Variants in CLDN14 observed in about 807,000 individuals in gnomAD.
CLDN14 encodes the protein claudin-14.
CLDN14 carries 2 observed loss-of-function variants against 2.1 expected under a neutral mutation model. The observed-to-expected ratio is 0.96, with a 90% CI of 0.39 to 3.01. CLDN14 has a LOEUF of 3.01. Among genes scored for constraint, CLDN14 ranks in the 30% most tolerant of loss-of-function variants. CLDN14 has a pLI of 0.09. For missense variants in CLDN14, 298 were observed against 328.0 expected (o/e 0.91, Z 0.71); for synonymous variants, 136 against 154.4 (o/e 0.88, Z 0.88).
intron 1 of CLDN14, among the ~76,000 whole-genome samples, chr21:36,473,969 A>G (rs1295651924): frequency 1.3e-5 from 2 of 152,174 alleles, no homozygotes; most frequent in Non-Finnish European, 2.9e-5. Flanking sequence ...GATTAGCAAC[A>G]TGAAGGAAAT....
In CLDN14 at chr21:36,498,729, C is replaced by G. The variant is rs772735828; in HGVS notation, c.-82+11634G>C. The stretch of plus-strand genomic sequence containing the variant: ...AAAGGTGGGGGCACCTCTCAGCTGG[C>G]CTTCAGCTCCAATACAGACACGGGA... On this transcript the variant is annotated intron_variant, in intron 2 of 2. Coordinates refer to the CLDN14 transcript ENST00000342108. This position sits in a 1 kb window ranked among gnomAD's most constrained non-coding sequence, Gnocchi z 4.9. 2.0e-5 allele frequency among the ~76,000 whole-genome samples: 3 copies of G among 152,202 alleles called. No homozygotes were observed. Among genetic ancestry groups the G allele is most frequent in the Admixed American group, 1.3e-4 (2 of 15,274 alleles).
chr21:36,568,308 C>A (rs2087686735), intron 1 of CLDN14, among the ~76,000 whole-genome samples: 1 of 152,160 alleles, frequency 6.6e-6, no homozygotes, highest in Non-Finnish European at 1.5e-5. Flanking sequence ...GCCTTCCTTG[C>A]CCCACTTTAG....
intron 1 of CLDN14, among the ~76,000 whole-genome samples, chr21:36,549,828 C>T (rs1361100748): frequency 3.3e-5 from 5 of 152,234 alleles, no homozygotes; most frequent in Admixed American, 1.3e-4. Context: ...CATTCCTACT[C>T]GCAATCGTCC....
intron 1 of CLDN14, chr21:36,477,472 C>T (rs934558802): frequency 7.2e-5 from 11 of 152,286 alleles, no homozygotes; most frequent in African/African-American, 2.6e-4. Context: ...CAAGAGTGGC[C>T]GCCAGTGGAA....
At chr21:36,535,868 G>T (rs908273454) in intron 1 of CLDN14, among the ~76,000 whole-genome samples, 1 of 152,192 alleles carries the variant, frequency 6.6e-6, no homozygotes, top group African/African-American at 2.4e-5. Context: ...AACCCTTCGG[G>T]TTAGCCACAG....
At chr21:36,557,366 C>T (rs2087606175) in intron 1 of CLDN14, among the ~76,000 whole-genome samples, 1 of 152,086 alleles carries the variant, frequency 6.6e-6, no homozygotes, top group Non-Finnish European at 1.5e-5. Context: ...GAGGAAACTC[C>T]ATGCTGTTTT....
chr21:36,552,090 T>C (rs2087567058), intron 1 of CLDN14, among the ~76,000 whole-genome samples: 1 of 152,206 alleles, frequency 6.6e-6, no homozygotes, highest in Non-Finnish European at 1.5e-5. Context: ...TTCCTCAGAA[T>C]TGGCACTGAG....
intron 1 of CLDN14, among the ~76,000 whole-genome samples, chr21:36,522,349 T>A (rs1215597895): frequency 6.6e-6 from 1 of 152,212 alleles, no homozygotes; most frequent in African/African-American, 2.4e-5. Context: ...AAATTGTGTG[T>A]CCTGACTTGG....
In CLDN14 at chr21:36,479,558, G is replaced by T. The variant is rs1266715184; in HGVS notation, c.-145C>A. On this transcript the variant is annotated 5_prime_UTR_variant, in exon 1 of 2. Coordinates refer to ENST00000399135, the MANE Select transcript of CLDN14 (RefSeq NM_001146079.2). The stretch of plus-strand genomic sequence containing the variant: ...CCTTGCCAGCCGGAGCCGCTCTGGA[G>T]CCTGGCTGGACTCCAGCTCCCATGT... 6.6e-6 allele frequency: 1 copy of T among 151,838 alleles called. No homozygotes were observed. The highest frequency in any genetic ancestry group is 1.5e-5 in the Non-Finnish European group (1 of 68,046). 9.4% of individuals were successfully genotyped at this position (151,838 alleles called of 1,614,324 possible).
At chr21:36,485,201 CTG>C (rs2086882938) in intron 2 of CLDN14, among the ~76,000 whole-genome samples, 1 of 151,046 alleles carries the variant, frequency 6.6e-6, no homozygotes, top group African/African-American at 2.4e-5. Flanking sequence ...TGGAGTGAGA[CTG>C]TGATTTTGTT....
chr21:36,486,215 C>G (rs1163641194), intron 2 of CLDN14: 1 of 921,578 alleles, frequency 1.1e-6, no homozygotes, highest in Non-Finnish European at 1.8e-6. Flanking sequence ...TTCCGCCTGG[C>G]CAAACTCTGC....
chr21:36,514,617 GAGAA>G (rs112932666), intron 1 of CLDN14, among the ~76,000 whole-genome samples: 13,626 of 37,906 alleles, frequency 0.36, 967 homozygotes, highest in Middle Eastern at 0.48. Flanking sequence ...CTTATCGTGA[GAGAA>G]AGTGTGTGTG....
intron 1 of CLDN14, among the ~76,000 whole-genome samples, chr21:36,549,164 T>G (rs1304537587): frequency 6.6e-6 from 1 of 151,696 alleles, no homozygotes; most frequent in Non-Finnish European, 1.5e-5. Flanking sequence ...TTTTTTTAAC[T>G]TGTCCATCTT....
At chr21:36,552,945 C>T (rs537634746) in intron 1 of CLDN14, among the ~76,000 whole-genome samples, 1 of 152,274 alleles carries the variant, frequency 6.6e-6, no homozygotes, top group African/African-American at 2.4e-5. Flanking sequence ...TTTAACCTGC[C>T]TGAGACTTGG....
intron 1 of CLDN14, among the ~76,000 whole-genome samples, chr21:36,561,506 G>A (rs1280308421): frequency 1.3e-5 from 2 of 152,094 alleles, no homozygotes; most frequent in South Asian, 2.1e-4. Context: ...CCACTTGGCT[G>A]CCCCGCTGCC....
intron 1 of CLDN14, among the ~76,000 whole-genome samples, chr21:36,529,503 T>A (rs1216470692): frequency 2.0e-5 from 3 of 152,078 alleles, no homozygotes; most frequent in Non-Finnish European, 4.4e-5. Context: ...GGCCTCAAAC[T>A]CCTGACCTCA....
intron 1 of CLDN14, among the ~76,000 whole-genome samples, chr21:36,555,275 G>T (rs1223823245): frequency 1.5e-5 from 2 of 135,662 alleles, no homozygotes; most frequent in East Asian, 4.3e-4. Context: ...AACCGCCTTG[G>T]TTTTGCCAGA....
At chr21:36,470,757 T>C (rs57321509) in intron 1 of CLDN14, among the ~76,000 whole-genome samples, 2,991 of 152,266 alleles carry the variant, frequency 0.02, 71 homozygotes, top group African/African-American at 0.062. Context: ...GAGGATCACT[T>C]GAGCTGAGGA....
At chr21:36,467,187 T>C (rs2086657229) in intron 1 of CLDN14, among the ~76,000 whole-genome samples, 1 of 152,206 alleles carries the variant, frequency 6.6e-6, no homozygotes, top group Non-Finnish European at 1.5e-5. Context: ...CCCTCTGTTT[T>C]CTCTGAGCTA....
Sources: gnomAD v4.1 joint callset for allele counts (sites outside exome capture counted in the v4.1 genomes callset) on GRCh38, gnomAD v4.1.1 for gene constraint, Gnocchi (gnomAD v3.1) non-coding constraint, MANE v1.5 for transcripts, NCBI Gene and HGNC (gene_info 2026-07-23, HGNC 2026-07-21) for gene names.